SPATA16: variants seen among roughly 807,000 people sequenced by gnomAD.
SPATA16 encodes the protein spermatogenesis-associated protein 16.
In SPATA16, 36 loss-of-function variants were observed where a neutral mutation model predicts 63.3. The observed-to-expected ratio is 0.57, with a 90% CI of 0.44 to 0.75. The LOEUF is 0.75. Ranked by LOEUF, SPATA16 falls within the 30% of genes least tolerant of loss-of-function variation. The pLI is 0.00. For missense variants in SPATA16, 646 were observed against 679.3 expected (o/e 0.95, Z 0.54); for synonymous variants, 203 against 216.7 (o/e 0.94, Z 0.56).
chr3:173,096,811 A>G (rs1427831688), intron 2 of SPATA16, among the ~76,000 whole-genome samples: 1 of 140,768 alleles, frequency 7.1e-6, no homozygotes, highest in African/African-American at 2.7e-5. Flanking sequence ...GCAAAACACC[A>G]GAAACAACTC....
intron 2 of SPATA16, among the ~76,000 whole-genome samples, chr3:173,049,699 T>C (rs1736039301): frequency 6.6e-6 from 1 of 152,180 alleles, no homozygotes; most frequent in Admixed American, 6.5e-5. Flanking sequence ...GGACACAGTA[T>C]CTGAAAAACA....
Position 173,082,333 on chromosome 3 carries a change from A to T in SPATA16, c.613-33239T>A, listed in dbSNP as rs549913218. ...AAACTAGGTTCAAATTAGAATTCTC[A>T]GAATCCTTGGAGTTCTGTGCAGGAA... is the stretch of plus-strand genomic sequence containing the variant. On this transcript the variant is annotated intron_variant, in intron 2 of 10. Coordinates refer to ENST00000351008, the MANE Select transcript of SPATA16 (RefSeq NM_031955.6). Among the ~76,000 whole-genome samples, 57 of 152,338 alleles carry T rather than the reference A, an allele frequency of 3.7e-4. No homozygotes were observed. In the South Asian group the frequency reaches 0.012, roughly 32 times the overall value.
chr3:173,046,077 C>T (rs1336733590), intron 3 of SPATA16, among the ~76,000 whole-genome samples: 1 of 151,914 alleles, frequency 6.6e-6, no homozygotes, highest in Non-Finnish European at 1.5e-5. Flanking sequence ...CAAGTATATA[C>T]ATCAAAATAT....
At chr3:173,119,028 G>A (rs1168060022) in intron 1 of SPATA16, among the ~76,000 whole-genome samples, 1 of 152,064 alleles carries the variant, frequency 6.6e-6, no homozygotes, top group Admixed American at 6.6e-5. Context: ...TTGTTTGTTT[G>A]GAAGACAGTA....
intron 2 of SPATA16, among the ~76,000 whole-genome samples, chr3:173,110,866 G>A (rs1407855306): frequency 6.6e-6 from 1 of 152,186 alleles, no homozygotes; most frequent in Non-Finnish European, 1.5e-5. Context: ...ACCTACTAGT[G>A]GTTTGGTATA....
chr3:173,032,441 A>G (rs1301862084), intron 3 of SPATA16, among the ~76,000 whole-genome samples: 1 of 152,090 alleles, frequency 6.6e-6, no homozygotes, highest in Non-Finnish European at 1.5e-5. Context: ...GTTTAAGTAT[A>G]TTTTACTCTA....
At chr3:173,000,113 A>G (rs1734782129) in intron 4 of SPATA16, among the ~76,000 whole-genome samples, 2 of 152,242 alleles carry the variant, frequency 1.3e-5, no homozygotes, top group Non-Finnish European at 2.9e-5. Flanking sequence ...TTCACGCTCC[A>G]GAATGGGAAT....
At chr3:173,127,495 T>C (rs887786872) in intron 1 of SPATA16, among the ~76,000 whole-genome samples, 4 of 152,222 alleles carry the variant, frequency 2.6e-5, no homozygotes. Context: ...CTTTAGTCTC[T>C]TTTACTCTGG....
At chr3:173,117,897 A>G in intron 1 of SPATA16, 148 bp from the exon 2 acceptor site, 1 of 1,339,920 alleles carries the variant, frequency 7.5e-7, no homozygotes, top group Non-Finnish European at 1.0e-6. Context: ...TAATCTACTG[A>G]CTATTTTAAT....
chr3:172,924,448 C>A, intron 7 of SPATA16, 131 bp from the exon 8 acceptor site: 1 of 683,246 alleles, frequency 1.5e-6, no homozygotes, highest in Non-Finnish European at 2.5e-6. Flanking sequence ...AAACTAGTCC[C>A]ATCCCTAGAC....
chr3:172,926,781 G>T (rs1446969035), intron 6 of SPATA16, among the ~76,000 whole-genome samples: 1 of 152,218 alleles, frequency 6.6e-6, no homozygotes, highest in African/African-American at 2.4e-5. Context: ...ACCTCTTGGG[G>T]ACCTGGAGGC....
At chr3:173,124,532 A>AT in intron 1 of SPATA16, among the ~76,000 whole-genome samples, 1 of 152,180 alleles carries the variant, frequency 6.6e-6, no homozygotes, top group South Asian at 2.1e-4. Flanking sequence ...TCATCTTTCC[A>AT]TATCACCTCT....
At chr3:172,892,638 G>A (rs1418310781) in intron 10 of SPATA16, among the ~76,000 whole-genome samples, 1 of 152,098 alleles carries the variant, frequency 6.6e-6, no homozygotes, top group African/African-American at 2.4e-5. Context: ...GTCAAGGAAA[G>A]AAAAATGCTG....
At chr3:172,961,072 TCCTTCCTTC>T (rs1560080361) in intron 5 of SPATA16, among the ~76,000 whole-genome samples, 1 of 119,248 alleles carries the variant, frequency 8.4e-6, no homozygotes, top group African/African-American at 3.6e-5. Flanking sequence ...TCTTCTTTCT[TCCTTCCTTC>T]CTTCCTTCCT....
At chr3:172,935,662 T>C (rs1006672265) in intron 6 of SPATA16, among the ~76,000 whole-genome samples, 3 of 152,208 alleles carry the variant, frequency 2.0e-5, no homozygotes, top group African/African-American at 4.8e-5. Flanking sequence ...TACAGCATGG[T>C]ACATTATTAA....
intron 9 of SPATA16, 35 bp downstream of exon 9, chr3:172,916,282 G>A (rs1342062051): frequency 1.2e-6 from 2 of 1,605,570 alleles, no homozygotes; most frequent in Admixed American, 1.7e-5. Flanking sequence ...TTGGCTCTGG[G>A]CCTATGAAAC....
intron 3 of SPATA16, among the ~76,000 whole-genome samples, chr3:173,043,767 A>G (rs1468914264): frequency 1.3e-5 from 2 of 151,962 alleles, no homozygotes. Flanking sequence ...GTTTCAATCT[A>G]TTGCCATTTT....
At chr3:173,101,412 G>T (rs978866974) in intron 2 of SPATA16, among the ~76,000 whole-genome samples, 2 of 152,124 alleles carry the variant, frequency 1.3e-5, no homozygotes, top group Non-Finnish European at 2.9e-5. Context: ...ACTTAAGCTG[G>T]TTTCTCAAAG....
chr3:173,075,885 C>A (rs1035859616), intron 2 of SPATA16, among the ~76,000 whole-genome samples: 1 of 152,070 alleles, frequency 6.6e-6, no homozygotes, highest in Non-Finnish European at 1.5e-5. Flanking sequence ...ATTAATAATA[C>A]TTTATTGTAT....
Sources: gnomAD v4.1 joint callset for allele counts (sites outside exome capture counted in the v4.1 genomes callset) on GRCh38, gnomAD v4.1.1 for gene constraint, MANE v1.5 for transcripts, NCBI Gene and HGNC (gene_info 2026-07-23, HGNC 2026-07-21) for gene names.